TTC19: variants seen among roughly 807,000 people sequenced by gnomAD.
TTC19 encodes the protein tetratricopeptide repeat protein 19, mitochondrial.
Under a neutral mutation model 49.5 loss-of-function variants are expected in TTC19, and 38 were observed. That is an observed-to-expected ratio of 0.77 (90% confidence interval 0.59 to 1.01). The LOEUF is 1.01. Ranked by LOEUF, TTC19 falls within the 50% of genes least tolerant of loss-of-function variation. The pLI is 0.00. For synonymous variants in TTC19, 204 were observed against 185.2 expected (o/e 1.10, Z -0.83); for missense variants, 475 against 477.7 (o/e 0.99, Z 0.05).
At chr17:16,044,970 T>A in exon 3 of TTC19, 1 of 537,370 alleles carries the variant, frequency 1.9e-6, no homozygotes. Context: ...AAATTTCTTA[T>A]AACGTGTTCA....
At chr17:16,015,250 G>A (rs1162170187) in intron 7 of TTC19, among the ~76,000 whole-genome samples, 3 of 152,008 alleles carry the variant, frequency 2.0e-5, no homozygotes, top group East Asian at 1.9e-4. Flanking sequence ...TTAATTCTCC[G>A]GCAGCTTTTT....
intron 2 of TTC19, among the ~76,000 whole-genome samples, chr17:16,037,821 G>A (rs2056730062): frequency 6.6e-6 from 1 of 152,206 alleles, no homozygotes; most frequent in African/African-American, 2.4e-5. Flanking sequence ...ACAGAAGTGA[G>A]ACACCTCTGA....
At chr17:16,009,029 T>C (rs1194188517) in intron 7 of TTC19, among the ~76,000 whole-genome samples, 1 of 149,392 alleles carries the variant, frequency 6.7e-6, no homozygotes, top group Non-Finnish European at 1.5e-5. Flanking sequence ...TTATACTCAG[T>C]GCTAAATCCT....
intron 2 of TTC19, among the ~76,000 whole-genome samples, chr17:16,037,691 G>A (rs1308632618): frequency 6.6e-6 from 1 of 152,138 alleles, no homozygotes; most frequent in African/African-American, 2.4e-5. Context: ...AATATGTAAA[G>A]GAAAAACTGC....
rs981843646 is a variant in TTC19, at chr17:16,027,003, T to C, written c.994+301T>C. On this transcript the variant is annotated intron_variant, in intron 9 of 9. Coordinates refer to ENST00000261647, the MANE Select transcript of TTC19 (RefSeq NM_017775.4). ...GATTTCTAAATGTGTTCAGTTACAA[T>C]GTGTTTCTCACAGTGTGCTGGTGAA... The C allele has an allele frequency of 5.7e-6, 3 of 525,394 alleles. No homozygotes were observed. The African/African-American group carries it at 5.7e-5, about 10-fold the overall frequency. 32.5% of individuals were successfully genotyped at this position (525,394 alleles called of 1,614,324 possible).
chr17:16,039,874 T>C (rs1597655993), intron 2 of TTC19: 3 of 485,190 alleles, frequency 6.2e-6, no homozygotes, highest in African/African-American at 3.9e-5. Flanking sequence ...CACTGCAACC[T>C]CCGCCTCCCA....
chr17:16,029,427 G>T, downstream of TTC19: 2 of 272,764 alleles, frequency 7.3e-6, no homozygotes, highest in South Asian at 7.1e-5. Flanking sequence ...GAGTTTTCTG[G>T]GCATAAATAT....
At chr17:16,012,153 T>C (rs561362533) in intron 7 of TTC19, among the ~76,000 whole-genome samples, 16 of 152,284 alleles carry the variant, frequency 1.1e-4, no homozygotes, top group East Asian at 9.6e-4. Flanking sequence ...GGTTTTTTTT[T>C]CTAATAAAAA....
chr17:16,011,828 A>C (rs911582874), intron 7 of TTC19, among the ~76,000 whole-genome samples: 11 of 152,216 alleles, frequency 7.2e-5, no homozygotes, highest in Admixed American at 6.5e-4. Flanking sequence ...GGAAGGTGGA[A>C]TGAGTTAATA....
At chr17:16,033,165 G>A (rs1290726820), downstream of TTC19, among the ~76,000 whole-genome samples, 2 of 151,868 alleles carry the variant, frequency 1.3e-5, no homozygotes, top group East Asian at 3.9e-4. Flanking sequence ...GACCAACATG[G>A]AGAAACCCCA....
rs1277677503 is a variant in TTC19 at position 16,000,141 on chromosome 17, G to C, written c.208G>C (p.Ala70Pro). The C allele has an allele frequency of 6.3e-7, 1 of 1,578,928 alleles. No individual in the cohort carries two copies. Among genetic ancestry groups the C allele is most frequent in the Non-Finnish European group, 8.5e-7 (1 of 1,171,008 alleles). ...AGCGCTCGCCTGGTTCTCGAGGCCC[G>C]CTGCGGCAGAGGAGGAGGAGCAGCA... ...LAALAWFSRP[A>P]AAEEEEQQGA... Residue 70 changes from alanine (A) to proline (P), a missense_variant, in exon 2 of 10, where the codon GCT becomes CCT. Transcript: ENST00000261647.
chr17:16,028,883 G>A lies in TTC19; in HGVS notation c.*1361G>A, dbSNP rs1165176199. 3.1e-6 allele frequency: 1 copy of A among 325,382 alleles called. No individual in the cohort carries two copies. Among genetic ancestry groups the A allele is most frequent in the Non-Finnish European group, 6.0e-6 (1 of 165,732 alleles). 20.2% of individuals were successfully genotyped at this position (325,382 alleles called of 1,614,324 possible). A position where few individuals can be genotyped will look rare whatever the true frequency, so the allele number is the denominator to read the frequency against. ...AAATAAAAACACCAGAAACCTTGAG[G>A]TCCAAATCCTCAGGGATTAGACTAA... On this transcript the variant is annotated 3_prime_UTR_variant, in exon 10 of 10. Coordinates refer to ENST00000261647, the MANE Select transcript of TTC19 (RefSeq NM_017775.4).
chr17:16,036,477 T>C (rs1414777671), intron 2 of TTC19, among the ~76,000 whole-genome samples: 1 of 152,192 alleles, frequency 6.6e-6, no homozygotes, highest in Non-Finnish European at 1.5e-5. Flanking sequence ...AGTCAGCCTG[T>C]CTTTTGAAGT....
At chr17:16,039,363 T>A (rs774477506) in intron 2 of TTC19, 3 of 1,426,720 alleles carry the variant, frequency 2.1e-6, no homozygotes, top group Non-Finnish European at 2.9e-6. Context: ...TAGTGATGCA[T>A]CAGAATTTGG....
At chr17:16,040,410 G>A in intron 2 of TTC19, 2 of 1,602,782 alleles carry the variant, frequency 1.2e-6, no homozygotes, top group Middle Eastern at 1.7e-4. Flanking sequence ...TGCCAATTTT[G>A]TATTGGTAAA....
intron 2 of TTC19, among the ~76,000 whole-genome samples, chr17:16,042,249 T>C (rs2057849488): frequency 6.6e-6 from 1 of 152,134 alleles, no homozygotes. Context: ...GGTAAATAAA[T>C]TGAGCCTGAA....
intron 7 of TTC19, among the ~76,000 whole-genome samples, chr17:16,007,253 C>T (rs1033000344): frequency 4.6e-5 from 7 of 152,166 alleles, no homozygotes; most frequent in South Asian, 2.1e-4. Flanking sequence ...ATGCCTGAAA[C>T]GACTTCTAAT....
At chr17:16,026,344 GAACT>G (rs1555530634) in intron 8 of TTC19, among the ~76,000 whole-genome samples, 192 bp from the exon 9 acceptor site, 1 of 152,034 alleles carries the variant, frequency 6.6e-6, no homozygotes, top group Non-Finnish European at 1.5e-5. Context: ...CCAAAAGGTC[GAACT>G]AACATTGTCC....
intron 8 of TTC19, 74 bp downstream of exon 8, chr17:16,025,245 C>G: frequency 6.7e-7 from 1 of 1,485,446 alleles, no homozygotes; most frequent in Non-Finnish European, 9.3e-7. Context: ...ATGTCACACT[C>G]ATTGGTAACA....
Sources: gnomAD v4.1 joint callset for allele counts (sites outside exome capture counted in the v4.1 genomes callset) on GRCh38, gnomAD v4.1.1 for gene constraint, MANE v1.5 for transcripts, NCBI Gene and HGNC (gene_info 2026-07-23, HGNC 2026-07-21) for gene names.